FAM227A: variants seen among roughly 807,000 people sequenced by gnomAD.
FAM227A encodes the protein protein FAM227A.
A neutral mutation model predicts 74.7 loss-of-function variants in FAM227A; 80 were observed. The ratio of observed to expected loss-of-function variants is 1.07; its 90% CI spans 0.89 to 1.29. FAM227A has a LOEUF of 1.29. Among genes scored for constraint, FAM227A ranks in the 50% most tolerant of loss-of-function variants. FAM227A has a pLI of 0.00. For synonymous variants in FAM227A, 237 were observed against 241.8 expected, an observed-to-expected ratio of 0.98 and a Z score of 0.19; for missense variants, 654 against 683.4, an observed-to-expected ratio of 0.96 and a Z score of 0.48.
At chr22:38,610,806 A>C (rs2091397174) in intron 11 of FAM227A, among the ~76,000 whole-genome samples, 1 of 152,202 alleles carries the variant, frequency 6.6e-6, no homozygotes, top group Non-Finnish European at 1.5e-5. Context: ...TCACGCCTGC[A>C]ATCCTGGCAC....
rs140851460 is a variant in FAM227A at position 38,621,583 on chromosome 22, C to T, written c.959-1292G>A. Among the ~76,000 whole-genome samples the T allele has an allele frequency of 9.4e-3, 1,428 of 151,972 alleles. 7 individuals are homozygous for T. Among genetic ancestry groups the T allele is most frequent in the Admixed American group, 0.025 (386 of 15,226 alleles). ...TTGCGCCATTGCACTCCAGCCTGGG[C>T]GACAGAGCAAGACTCCAAAAAACCA... On this transcript the variant is annotated intron_variant, in intron 10 of 16. Coordinates refer to ENST00000535113, the MANE Select transcript of FAM227A (RefSeq NM_001013647.2).
chr22:38,619,694 G>C (rs1004513393), intron 11 of FAM227A, among the ~76,000 whole-genome samples: 3 of 152,102 alleles, frequency 2.0e-5, no homozygotes, highest in Admixed American at 1.3e-4. Flanking sequence ...ACTTAGCTTT[G>C]CACTTTGAAA....
At chr22:38,636,017 G>A (rs1040723707) in intron 6 of FAM227A, among the ~76,000 whole-genome samples, 1 of 142,684 alleles carries the variant, frequency 7.0e-6, no homozygotes, top group Admixed American at 7.2e-5. Flanking sequence ...GAAAAAGAAG[G>A]AAAGAAAGAA....
At chr22:38,622,571 G>A (rs771142203) in intron 10 of FAM227A, among the ~76,000 whole-genome samples, 1 of 152,096 alleles carries the variant, frequency 6.6e-6, no homozygotes, top group Non-Finnish European at 1.5e-5. Flanking sequence ...GCAGGTTGTC[G>A]TGAGGATTAA....
rs1367375946 is a variant in FAM227A, at chr22:38,580,111, AGGTCTCACTATGTTACCCGGTTT to A, written c.*5991_*6013del. The A allele has an allele frequency of 1.3e-5, 2 of 152,020 alleles. No individual in the cohort carries two copies. Among genetic ancestry groups the A allele is most frequent in the African/African-American group, 4.8e-5 (2 of 41,382 alleles). 9.4% of individuals were successfully genotyped at this position (152,020 alleles called of 1,614,324 possible). A position where few individuals can be genotyped will look rare whatever the true frequency, so the allele number is the denominator to read the frequency against. On this transcript the variant is annotated 3_prime_UTR_variant, in exon 17 of 17. Transcript: ENST00000535113. ...AATTTTTACTTTTTTTGTAGAGACAAGGTCTCACTATGTTACCCGGTTTGGTCTCACCTCCTGGGCTCTAGGGG... is the reference window on the plus strand; with the variant it reads ...AATTTTTACTTTTTTTGTAGAGACAAGGTCTCACCTCCTGGGCTCTAGGGG...
rs2090681327 is a variant in FAM227A, at chr22:38,578,623, A to G, written c.*7502T>C. Reference sequence around the variant, plus strand: ...AGAGAAGACAATGCAGAAAGAGATAATCACCACACAAGGCAGGATGAGAGG... The same window carrying G: ...AGAGAAGACAATGCAGAAAGAGATAGTCACCACACAAGGCAGGATGAGAGG... On this transcript the variant is annotated 3_prime_UTR_variant, in exon 17 of 17. Coordinates refer to ENST00000535113, the MANE Select transcript of FAM227A (RefSeq NM_001013647.2). 1 of 152,286 alleles carries G rather than the reference A, an allele frequency of 6.6e-6. No homozygotes were observed. The highest frequency in any genetic ancestry group is 1.5e-5 in the Non-Finnish European group (1 of 68,060). The allele number at this position is 152,286 out of a possible 1,614,324, so 9.4% of individuals were successfully genotyped here. A position where few individuals can be genotyped will look rare whatever the true frequency, so the allele number is the denominator to read the frequency against.
chr22:38,600,508 T>C (rs2091149646), intron 13 of FAM227A, among the ~76,000 whole-genome samples: 1 of 151,536 alleles, frequency 6.6e-6, no homozygotes, highest in South Asian at 2.1e-4. Context: ...CAGCTAATTT[T>C]TGTATTTTTA....
chr22:38,625,024 T>C (rs2091766845), intron 9 of FAM227A, among the ~76,000 whole-genome samples: 1 of 151,954 alleles, frequency 6.6e-6, no homozygotes, highest in South Asian at 2.1e-4. Flanking sequence ...AACCTTCCTA[T>C]AAATGGTAGC....
At chr22:38,634,249 AATTGT>A (rs2091963801) in intron 6 of FAM227A, among the ~76,000 whole-genome samples, 1 of 148,372 alleles carries the variant, frequency 6.7e-6, no homozygotes, top group Non-Finnish European at 1.5e-5. Flanking sequence ...AAAAAGATTG[AATTGT>A]AGAGAGTTTT....
chr22:38,617,916 T>A (rs902374245), intron 11 of FAM227A, among the ~76,000 whole-genome samples: 2 of 152,038 alleles, frequency 1.3e-5, no homozygotes, highest in Non-Finnish European at 2.9e-5. Flanking sequence ...CACAGCACTC[T>A]GGCCTGGGCA....
chr22:38,635,663 G>A (rs914271022), intron 6 of FAM227A, among the ~76,000 whole-genome samples: 10 of 152,136 alleles, frequency 6.6e-5, no homozygotes, highest in African/African-American at 2.2e-4. Flanking sequence ...CCAGAGGCAT[G>A]AGAAGAAAAT....
chr22:38,620,790 CATA>C (rs1180707562), intron 10 of FAM227A, among the ~76,000 whole-genome samples: 1 of 150,720 alleles, frequency 6.6e-6, no homozygotes, highest in Non-Finnish European at 1.5e-5. Context: ...GCCTGGGTGA[CATA>C]ATGAGACTCC....
intron 3 of FAM227A, among the ~76,000 whole-genome samples, chr22:38,644,540 T>C (rs9607562): frequency 6.6e-5 from 8 of 120,544 alleles, no homozygotes; most frequent in African/African-American, 8.7e-5. Context: ...AACTATGCTG[T>C]GTGACACTAC....
At chr22:38,628,156 G>C in intron 8 of FAM227A, 82 bp downstream of exon 8, 1 of 840,428 alleles carries the variant, frequency 1.2e-6, no homozygotes, top group South Asian at 1.5e-5. Flanking sequence ...CTTATGTAAA[G>C]AATGTTTAAG....
intron 1 of FAM227A, among the ~76,000 whole-genome samples, chr22:38,655,104 C>T (rs1182421309): frequency 6.7e-6 from 1 of 150,248 alleles, no homozygotes; most frequent in African/African-American, 2.5e-5. Flanking sequence ...CATGCCACTG[C>T]ACTCCAGCCT....
At chr22:38,590,212 G>A (rs1282279947) in intron 16 of FAM227A, among the ~76,000 whole-genome samples, 2 of 149,526 alleles carry the variant, frequency 1.3e-5, no homozygotes, top group African/African-American at 4.9e-5. Context: ...CCCAGGAGGA[G>A]GAAGTTGCAG....
intron 4 of FAM227A, 28 bp from the exon 5 acceptor site, chr22:38,638,850 T>C (rs781380533): frequency 6.9e-7 from 1 of 1,449,196 alleles, no homozygotes; most frequent in Non-Finnish European, 9.3e-7. Context: ...AAGAGATAAA[T>C]GAGTAACCAC....
chr22:38,609,773 C>T (rs1051162823), intron 11 of FAM227A, among the ~76,000 whole-genome samples: 1 of 145,888 alleles, frequency 6.9e-6, no homozygotes, highest in Non-Finnish European at 1.5e-5. Flanking sequence ...TCTTTTCTTT[C>T]TTTTTTTTTT....
intron 16 of FAM227A, among the ~76,000 whole-genome samples, chr22:38,587,044 T>C (rs564991182): frequency 2.6e-5 from 4 of 152,148 alleles, no homozygotes; most frequent in African/African-American, 9.6e-5. Context: ...GAAGGAGAGA[T>C]CACAAGATAT....
Sources: gnomAD v4.1 joint callset for allele counts (sites outside exome capture counted in the v4.1 genomes callset) on GRCh38, gnomAD v4.1.1 for gene constraint, MANE v1.5 for transcripts, NCBI Gene and HGNC (gene_info 2026-07-23, HGNC 2026-07-21) for gene names.